Variants in SNCAIP observed in about 807,000 individuals in gnomAD.
The protein encoded by SNCAIP is synphilin-1.
SNCAIP carries 43 observed loss-of-function variants against 86.7 expected under a neutral mutation model. The ratio of observed to expected loss-of-function variants is 0.50; its 90% CI spans 0.39 to 0.64. SNCAIP has a LOEUF of 0.64. SNCAIP is among the 30% of genes least tolerant of loss of function. The pLI, the probability that SNCAIP is intolerant of heterozygous loss-of-function variation, is 0.00. For synonymous variants in SNCAIP, 417 were observed against 427.2 expected, an observed-to-expected ratio of 0.98 and a Z score of 0.29; for missense variants, 981 against 1,103.1, an observed-to-expected ratio of 0.89 and a Z score of 1.57.
At chr5:122,418,591 G>A (rs928725865) in intron 3 of SNCAIP, among the ~76,000 whole-genome samples, 2 of 152,074 alleles carry the variant, frequency 1.3e-5, no homozygotes, top group Non-Finnish European at 2.9e-5. Flanking sequence ...TGAGGCCTGA[G>A]GTCTCATTTT....
At chr5:122,408,571 C>T (rs1040290016) in intron 3 of SNCAIP, among the ~76,000 whole-genome samples, 1 of 152,142 alleles carries the variant, frequency 6.6e-6, no homozygotes, top group Non-Finnish European at 1.5e-5. Flanking sequence ...ATGTTTTCCC[C>T]TAACAGGAAT....
intron 1 of SNCAIP, among the ~76,000 whole-genome samples, chr5:122,357,832 T>C (rs2152758666): frequency 6.6e-6 from 1 of 152,266 alleles, no homozygotes; most frequent in African/African-American, 2.4e-5. Flanking sequence ...AGTAGCCACA[T>C]GTGGCTACTT....
intron 7 of SNCAIP, chr5:122,443,769 C>T: frequency 2.3e-6 from 1 of 425,702 alleles, no homozygotes; most frequent in Non-Finnish European, 4.7e-6. Context: ...GCTTCTTTGG[C>T]TGGCTGTGGT....
At chr5:122,433,256 A>G (rs1778765895) in intron 6 of SNCAIP, among the ~76,000 whole-genome samples, 1 of 151,920 alleles carries the variant, frequency 6.6e-6, no homozygotes, top group Non-Finnish European at 1.5e-5. Flanking sequence ...ACATTCTCTC[A>G]TTTATTCCTC....
chr5:122,450,723 A>G lies in SNCAIP; in HGVS notation c.1876A>G (p.Lys626Glu). ...SDKILRQLLG[K>E]EISENVCTQE... is the part of the protein sequence containing the mutation. ...TAAAATCTTACGCCAGTTATTGGGA[A>G]AGGAAATCTCAGAAAATGTCTGCAC... The change falls in exon 10 of 11, where the codon AAG (lysine) becomes GAG (glutamate). Residue 626 changes from lysine (K) to glutamate (E), a missense_variant. By Grantham distance (56) the Lys-to-Glu change is moderately conservative (BLOSUM62 1). Coordinates refer to ENST00000261368, the MANE Select transcript of SNCAIP (RefSeq NM_005460.4). 1 of 1,614,208 alleles carries G rather than the reference A, an allele frequency of 6.2e-7. No individual in the cohort carries two copies. The highest frequency in any genetic ancestry group is 8.5e-7 in the Non-Finnish European group (1 of 1,180,026).
chr5:122,457,004 G>T (rs1784914147), intron 10 of SNCAIP, among the ~76,000 whole-genome samples: 1 of 151,004 alleles, frequency 6.6e-6, no homozygotes, highest in South Asian at 2.1e-4. Flanking sequence ...TTTTTGTTTT[G>T]TTTTGTTTTG....
At chr5:122,461,189 T>C (rs1786126219) in intron 10 of SNCAIP, among the ~76,000 whole-genome samples, 1 of 152,210 alleles carries the variant, frequency 6.6e-6, no homozygotes. Flanking sequence ...TCATTTCATT[T>C]TCTTTTGCTT....
intron 8 of SNCAIP, among the ~76,000 whole-genome samples, chr5:122,446,598 G>A (rs932809726): frequency 6.6e-6 from 1 of 152,204 alleles, no homozygotes; most frequent in Non-Finnish European, 1.5e-5. Context: ...CTATAGTTGG[G>A]CCAATGACAA....
chr5:122,399,469 A>G (rs558976424), intron 2 of SNCAIP, among the ~76,000 whole-genome samples: 2 of 152,296 alleles, frequency 1.3e-5, no homozygotes, highest in South Asian at 4.1e-4. Context: ...TACTCATGCT[A>G]TTAATATATT....
chr5:122,425,947 G>A (rs1777292836), intron 5 of SNCAIP, among the ~76,000 whole-genome samples: 1 of 152,162 alleles, frequency 6.6e-6, no homozygotes, highest in African/African-American at 2.4e-5. Flanking sequence ...GGCGCTTAAC[G>A]GATCACATCT....
chr5:122,342,204 A>G (rs1231489439), intron 1 of SNCAIP, among the ~76,000 whole-genome samples: 1 of 152,004 alleles, frequency 6.6e-6, no homozygotes, highest in African/African-American at 2.4e-5. Flanking sequence ...CTTCTCCTCA[A>G]TGGCCTATTC....
In SNCAIP at chr5:122,343,643, A is replaced by G. The variant is rs181673363; in HGVS notation, c.-47+31359A>G. On this transcript the variant is annotated intron_variant, in intron 1 of 10. Coordinates refer to ENST00000261368, the MANE Select transcript of SNCAIP (RefSeq NM_005460.4). ...TTAGAAAAGCCGGTTATATACCTCAATCGCTATGGCAGGGTTTCTTGACCT... is the reference window on the plus strand; with the variant it reads ...TTAGAAAAGCCGGTTATATACCTCAGTCGCTATGGCAGGGTTTCTTGACCT... Among the ~76,000 whole-genome samples the G allele has an allele frequency of 3.9e-4, 59 of 152,300 alleles. 1 individual carries two copies. Among genetic ancestry groups the G allele is most frequent in the Admixed American group, 3.5e-3 (53 of 15,302 alleles).
Position 122,450,903 on chromosome 5 carries a change from G to C in SNCAIP, c.2056G>C (p.Glu686Gln). ...GTCTGACACAGACTCCAACAACTCTGAGGACCCCAAGACTACCCCAGTGAG... is the reference window on the plus strand; with the variant it reads ...GTCTGACACAGACTCCAACAACTCTCAGGACCCCAAGACTACCCCAGTGAG... ...SESDTDSNNS[E>Q]DPKTTPVRKA... Residue 686 changes from glutamate to glutamine, a missense_variant, in exon 10 of 11, where the codon GAG becomes CAG. Coordinates refer to ENST00000261368, the MANE Select transcript of SNCAIP (RefSeq NM_005460.4). 6.2e-7 allele frequency: 1 copy of C among 1,614,088 alleles called. No homozygotes were observed. Among genetic ancestry groups the C allele is most frequent in the Non-Finnish European group, 8.5e-7 (1 of 1,180,018 alleles).
rs752525793 is a variant in SNCAIP at position 122,401,196 on chromosome 5, A to G, written c.58-2597A>G. 2.1e-4 allele frequency: 298 copies of G among 1,429,362 alleles called. 1 individual carries two copies. Among genetic ancestry groups the G allele is most frequent in the Non-Finnish European group, 2.7e-4 (285 of 1,065,934 alleles). 88.5% of individuals were successfully genotyped at this position (1,429,362 alleles called of 1,614,324 possible). A position where few individuals can be genotyped will look rare whatever the true frequency, so the allele number is the denominator to read the frequency against. On this transcript the variant is annotated intron_variant, in intron 2 of 10. Coordinates refer to ENST00000261368, the MANE Select transcript of SNCAIP (RefSeq NM_005460.4). Reference sequence around the variant, plus strand: ...TGTGAACTGGGATGAAGGCCTGGGAAGCCTTCCATTTCAGCTCCCAGATGG... The same window carrying G: ...TGTGAACTGGGATGAAGGCCTGGGAGGCCTTCCATTTCAGCTCCCAGATGG...
intron 10 of SNCAIP, among the ~76,000 whole-genome samples, chr5:122,452,177 G>T (rs1561810599): frequency 6.6e-6 from 1 of 152,206 alleles, no homozygotes; most frequent in Non-Finnish European, 1.5e-5. Context: ...GGAGCCTGAA[G>T]TGCTTGCCAG....
At chr5:122,347,267 T>A (rs1170637418) in intron 1 of SNCAIP, among the ~76,000 whole-genome samples, 1 of 152,162 alleles carries the variant, frequency 6.6e-6, no homozygotes, top group Non-Finnish European at 1.5e-5. Context: ...AAGGTCTATG[T>A]GAGAAACACT....
intron 10 of SNCAIP, 45 bp downstream of exon 10, chr5:122,451,646 T>C (rs1304908780): frequency 7.5e-7 from 1 of 1,326,988 alleles, no homozygotes; most frequent in African/African-American, 1.4e-5. Flanking sequence ...TTCAAATGGA[T>C]TATGTTGTTC....
At chr5:122,339,860 C>T (rs547948190) in intron 1 of SNCAIP, among the ~76,000 whole-genome samples, 1 of 152,306 alleles carries the variant, frequency 6.6e-6, no homozygotes, top group East Asian at 1.9e-4. Context: ...ATACAAGTTT[C>T]CTTCCCTTCC....
intron 5 of SNCAIP, among the ~76,000 whole-genome samples, chr5:122,430,899 T>C (rs959198792): frequency 3.3e-5 from 5 of 152,138 alleles, no homozygotes; most frequent in African/African-American, 1.2e-4. Context: ...TCCATAGTTA[T>C]ATTATTTGTA....
Sources: allele counts gnomAD v4.1 joint callset (sites outside exome capture counted in the v4.1 genomes callset), GRCh38; gene constraint gnomAD v4.1.1; transcripts MANE v1.5; gene names NCBI Gene and HGNC (gene_info 2026-07-23, HGNC 2026-07-21).